DPP10: variants seen among roughly 807,000 people sequenced by gnomAD.
DPP10 encodes the protein inactive dipeptidyl peptidase 10.
DPP10 carries 33 observed loss-of-function variants against 120.9 expected under a neutral mutation model. That is an observed-to-expected ratio of 0.27 (90% CI 0.21 to 0.37). The LOEUF is 0.37. Ranked by LOEUF, DPP10 falls within the 10% of genes least tolerant of loss-of-function variation. DPP10 has a pLI of 1.00. For missense variants in DPP10, 816 were observed against 942.8 expected (o/e 0.87, Z 1.76); for synonymous variants, 337 against 326.1 (o/e 1.03, Z -0.36).
At chr2:115,337,093 G>A (rs1252574725) in intron 2 of DPP10, among the ~76,000 whole-genome samples, 1 of 151,476 alleles carries the variant, frequency 6.6e-6, no homozygotes, top group Non-Finnish European at 1.5e-5. Flanking sequence ...AATGAGCAGA[G>A]GGTAAGCTTG....
intron 1 of DPP10, among the ~76,000 whole-genome samples, chr2:115,121,171 G>A (rs1427286727): frequency 1.3e-5 from 2 of 152,224 alleles, no homozygotes; most frequent in African/African-American, 4.8e-5. Flanking sequence ...CAGAGTTTGG[G>A]TAGATATTAA....
chr2:115,179,557 A>G (rs2053937033), intron 1 of DPP10, among the ~76,000 whole-genome samples: 1 of 152,126 alleles, frequency 6.6e-6, no homozygotes, highest in Admixed American at 6.5e-5. Context: ...GTCACAGCAA[A>G]CCACCCTCTC....
At chr2:114,785,176 T>C (rs564453880) in intron 1 of DPP10, among the ~76,000 whole-genome samples, 6 of 152,292 alleles carry the variant, frequency 3.9e-5, no homozygotes, top group African/African-American at 1.4e-4. Flanking sequence ...ACTGTGTGTT[T>C]CATAATTTTA....
At chr2:114,572,058 G>T (rs1689701099) in intron 1 of DPP10, among the ~76,000 whole-genome samples, 1 of 150,770 alleles carries the variant, frequency 6.6e-6, no homozygotes, top group African/African-American at 2.4e-5. Context: ...TATACATATT[G>T]TATTATATTA....
At chr2:115,200,443 A>C (rs2055617597) in intron 1 of DPP10, among the ~76,000 whole-genome samples, 1 of 152,198 alleles carries the variant, frequency 6.6e-6, no homozygotes, top group Admixed American at 6.5e-5. Context: ...TTATATGTGC[A>C]GATTAAAAAT....
chr2:115,164,135 T>C (rs2052652240), intron 1 of DPP10, among the ~76,000 whole-genome samples: 1 of 152,152 alleles, frequency 6.6e-6, no homozygotes, highest in African/African-American at 2.4e-5. Context: ...TGTGTTCTAA[T>C]AGATTGATTT....
chr2:115,162,228 G>T (rs1170313369), intron 1 of DPP10: 1 of 1,560,590 alleles, frequency 6.4e-7, no homozygotes, highest in East Asian at 2.4e-5. Flanking sequence ...GGGGCCCGGC[G>T]AGAGGATGCG....
chr2:115,600,086 A>T (rs1232723244), intron 5 of DPP10, among the ~76,000 whole-genome samples: 1 of 151,706 alleles, frequency 6.6e-6, no homozygotes, highest in Non-Finnish European at 1.5e-5. Context: ...TGTTTTTTTG[A>T]TGAGAAGTCA....
intron 1 of DPP10, among the ~76,000 whole-genome samples, chr2:114,937,483 G>A (rs1387222864): frequency 1.3e-5 from 2 of 152,148 alleles, no homozygotes; most frequent in Non-Finnish European, 2.9e-5. Context: ...GGCCAGACTC[G>A]CTGCCCAGTT....
At chr2:115,218,137 CTG>C (rs1429492513) in intron 1 of DPP10, among the ~76,000 whole-genome samples, 1 of 152,142 alleles carries the variant, frequency 6.6e-6, no homozygotes, top group South Asian at 2.1e-4. Flanking sequence ...TGTATATAGA[CTG>C]TACATTCTCA....
intron 3 of DPP10, among the ~76,000 whole-genome samples, chr2:115,379,836 C>G (rs1453131548): frequency 3.9e-5 from 6 of 152,084 alleles, no homozygotes; most frequent in South Asian, 2.1e-4. Flanking sequence ...GGAGCAGGTT[C>G]TTCAGTTTCC....
chr2:115,073,606 C>G (rs1473027887), intron 1 of DPP10, among the ~76,000 whole-genome samples: 1 of 152,234 alleles, frequency 6.6e-6, no homozygotes, highest in Non-Finnish European at 1.5e-5. Context: ...TTTGAGAAAA[C>G]AGCCTGTCTA....
intron 1 of DPP10, among the ~76,000 whole-genome samples, chr2:114,815,729 A>G (rs1346032059): frequency 6.6e-6 from 1 of 152,112 alleles, no homozygotes; most frequent in Non-Finnish European, 1.5e-5. Flanking sequence ...TCTGAGAGCA[A>G]TGGAGTTGTG....
At chr2:115,236,860 GTGT>G (rs1428949298) in intron 1 of DPP10, among the ~76,000 whole-genome samples, 1 of 152,172 alleles carries the variant, frequency 6.6e-6, no homozygotes, top group East Asian at 1.9e-4. Flanking sequence ...AAGGAAAATA[GTGT>G]TAACATCTGC....
intron 5 of DPP10, among the ~76,000 whole-genome samples, chr2:115,606,437 G>C (rs2083711054): frequency 6.6e-6 from 1 of 152,036 alleles, no homozygotes; most frequent in South Asian, 2.1e-4. Flanking sequence ...ATATTTTCTT[G>C]TCCACTTCAT....
At chr2:114,698,634 A>G (rs1344953797) in intron 1 of DPP10, among the ~76,000 whole-genome samples, 2 of 152,128 alleles carry the variant, frequency 1.3e-5, no homozygotes, top group African/African-American at 2.4e-5. Context: ...GATTAAATCT[A>G]AGTCAGGAGA....
At chr2:114,963,378 T>C (rs970002271) in intron 1 of DPP10, among the ~76,000 whole-genome samples, 2 of 152,124 alleles carry the variant, frequency 1.3e-5, no homozygotes, top group South Asian at 4.1e-4. Flanking sequence ...GAAAGTCATA[T>C]GTCAAAGGAA....
At chr2:115,339,367 A>G (rs1354813822) in intron 2 of DPP10, among the ~76,000 whole-genome samples, 2 of 152,190 alleles carry the variant, frequency 1.3e-5, no homozygotes, top group African/African-American at 4.8e-5. Flanking sequence ...GAGAATGTAA[A>G]ATGGTAAAAC....
chr2:114,980,642 A>G (rs1700023901), intron 1 of DPP10, among the ~76,000 whole-genome samples: 1 of 151,868 alleles, frequency 6.6e-6, no homozygotes, highest in East Asian at 1.9e-4. Flanking sequence ...CTGAAAAAAA[A>G]AAAAAAAGAA....
Sources: gnomAD v4.1 joint callset for allele counts (sites outside exome capture counted in the v4.1 genomes callset) on GRCh38, gnomAD v4.1.1 for gene constraint, MANE v1.5 for transcripts, NCBI Gene and HGNC (gene_info 2026-07-23, HGNC 2026-07-21) for gene names.